The following RAB37 variants were observed in gnomAD, a reference collection of about 807,000 sequenced individuals.
RAB37 encodes RAB37, member RAS oncogene family.
Under a neutral mutation model 33.1 loss-of-function variants are expected in RAB37, and 29 were observed. The ratio of observed to expected loss-of-function variants is 0.88; its 90% CI spans 0.65 to 1.20. The LOEUF (loss-of-function observed/expected upper bound fraction) is 1.20. RAB37 is among the 50% of genes most tolerant of loss of function. The pLI, the probability that RAB37 is intolerant of heterozygous loss-of-function variation, is 0.00. For missense variants in RAB37, 299 were observed against 301.1 expected, an observed-to-expected ratio of 0.99 and a Z score of 0.05; for synonymous variants, 128 against 119.5, an observed-to-expected ratio of 1.07 and a Z score of -0.47.
In RAB37 at chr17:74,678,652, G is replaced by A. The variant is rs905473991; in HGVS notation, c.72+6994G>A. 6.6e-5 allele frequency among the ~76,000 whole-genome samples: 10 copies of A among 151,280 alleles called. 1 individual carries two copies. The highest frequency in any genetic ancestry group is 2.6e-4 in the Admixed American group (4 of 15,186). On this transcript the variant is annotated intron_variant, in intron 1 of 7. Transcript: ENST00000340415. The stretch of plus-strand genomic sequence containing the variant: ...ATTTTCTCTTACTTGCTAGCCTTCT[G>A]CCCCTGGCCACCACACACACAGACA...
intron 1 of RAB37, chr17:74,698,219 C>A (rs1342840897): frequency 3.1e-6 from 2 of 647,464 alleles, no homozygotes; most frequent in Non-Finnish European, 5.3e-6. Flanking sequence ...GGGCGCCCCC[C>A]GGTCCCCTGG....
chr17:74,705,120 G>T, intron 1 of RAB37: 2 of 677,536 alleles, frequency 3.0e-6, no homozygotes, highest in Non-Finnish European at 5.5e-6. Flanking sequence ...TATATTTCAA[G>T]GAATGTCCTT....
At chr17:74,737,770 T>C (rs1205629235) in intron 1 of RAB37, among the ~76,000 whole-genome samples, 1 of 152,108 alleles carries the variant, frequency 6.6e-6, no homozygotes, top group South Asian at 2.1e-4. Context: ...CTGGCGTTAA[T>C]GCCATTTTCC....
At chr17:74,683,133 T>A (rs1276802948) in intron 1 of RAB37, among the ~76,000 whole-genome samples, 1 of 152,210 alleles carries the variant, frequency 6.6e-6, no homozygotes, top group African/African-American at 2.4e-5. Flanking sequence ...TAAGACTAAA[T>A]AACTGGATTT....
intron 1 of RAB37, among the ~76,000 whole-genome samples, chr17:74,679,703 G>A (rs914051739): frequency 6.6e-6 from 1 of 152,114 alleles, no homozygotes; most frequent in Non-Finnish European, 1.5e-5. Context: ...CAGATGGCTG[G>A]GCATGGTGCT....
chr17:74,671,354 C>T lies in RAB37; in HGVS notation c.-233C>T. 1.8e-6 allele frequency: 1 copy of T among 543,250 alleles called. No homozygotes were observed. Among genetic ancestry groups the T allele is most frequent in the Non-Finnish European group, 3.3e-6 (1 of 302,958 alleles). The allele number at this position is 543,250 out of a possible 1,614,324, so 33.7% of individuals were successfully genotyped here. A position where few individuals can be genotyped will look rare whatever the true frequency, so the allele number is the denominator to read the frequency against. On this transcript the variant is annotated 5_prime_UTR_variant, in exon 1 of 8. Coordinates refer to the RAB37 transcript ENST00000340415. The surrounding 1 kb of genome is among the most constrained non-coding windows in gnomAD (Gnocchi z 5.0). ...AACTCTGGTCCCGGGCGCACAACGG[C>T]GGAGTCGCTGTTCCTGGTGCTGAAA...
chr17:74,740,109 T>G (rs1265998731), intron 1 of RAB37, among the ~76,000 whole-genome samples: 1 of 148,796 alleles, frequency 6.7e-6, no homozygotes, highest in East Asian at 2.0e-4. Flanking sequence ...TGAGCCAAGA[T>G]CTCGCCATTG....
chr17:74,700,778 G>A (rs2032976071), intron 1 of RAB37, among the ~76,000 whole-genome samples: 1 of 152,022 alleles, frequency 6.6e-6, no homozygotes, highest in African/African-American at 2.4e-5. Context: ...AAAAAAAACT[G>A]TTGTGGGCTG....
intron 2 of RAB37, 104 bp downstream of exon 2, chr17:74,740,982 G>T (rs564707574): frequency 9.5e-6 from 8 of 845,968 alleles, no homozygotes; most frequent in Non-Finnish European, 1.4e-5. Flanking sequence ...AGGGACTCCC[G>T]AGGCTCATGC....
chr17:74,690,873 A>C (rs775774426), intron 1 of RAB37, among the ~76,000 whole-genome samples: 1 of 152,180 alleles, frequency 6.6e-6, no homozygotes, highest in Non-Finnish European at 1.5e-5. Context: ...GAGGGCTAGA[A>C]TTTTAGATAA....
intron 1 of RAB37, among the ~76,000 whole-genome samples, chr17:74,728,882 G>A (rs1262835711): frequency 6.6e-6 from 1 of 151,546 alleles, no homozygotes; most frequent in Non-Finnish European, 1.5e-5. Context: ...CTGTGTGTAT[G>A]TGTGTACATG....
In RAB37 at chr17:74,671,344, C is replaced by A. The variant is rs1018594125; in HGVS notation, c.-243C>A. 13 of 534,344 alleles carry A rather than the reference C, an allele frequency of 2.4e-5. No individual in the cohort carries two copies. The Admixed American group carries it at 2.4e-4, about 10-fold the overall frequency. 33.1% of individuals were successfully genotyped at this position (534,344 alleles called of 1,614,324 possible). ...AGGATCTCAGAACTCTGGTCCCGGGCGCACAACGGCGGAGTCGCTGTTCCT... is the reference window on the plus strand; with the variant it reads ...AGGATCTCAGAACTCTGGTCCCGGGAGCACAACGGCGGAGTCGCTGTTCCT... On this transcript the variant is annotated 5_prime_UTR_variant, in exon 1 of 8. Transcript: ENST00000340415. The surrounding 1 kb of genome is among the most constrained non-coding windows in gnomAD (Gnocchi z 5.0).
chr17:74,695,548 G>C (rs748869583), intron 1 of RAB37, among the ~76,000 whole-genome samples: 1 of 152,184 alleles, frequency 6.6e-6, no homozygotes, highest in Non-Finnish European at 1.5e-5. Flanking sequence ...TGTGTCCCCA[G>C]GACTGAGACT....
chr17:74,703,823 A>T (rs1461430951), intron 1 of RAB37, among the ~76,000 whole-genome samples: 1 of 152,174 alleles, frequency 6.6e-6, no homozygotes, highest in Non-Finnish European at 1.5e-5. Context: ...AAATAAACCC[A>T]TGCAAACCGA....
chr17:74,694,193 T>A (rs976026392), intron 1 of RAB37: 2 of 152,158 alleles, frequency 1.3e-5, no homozygotes, highest in African/African-American at 2.4e-5. Flanking sequence ...GTAATAGAAG[T>A]GCCTCATGGT....
upstream of RAB37, chr17:74,736,960 G>T (rs749641116): frequency 1.9e-6 from 3 of 1,539,124 alleles, no homozygotes; most frequent in Non-Finnish European, 1.7e-6. Context: ...CCCGCGGCCC[G>T]CTCCCCCAGG....
intron 1 of RAB37, among the ~76,000 whole-genome samples, chr17:74,689,722 G>C (rs1463168553): frequency 6.6e-6 from 1 of 152,174 alleles, no homozygotes. Context: ...GATTCCAGCA[G>C]TCTCCCCTTT....
At chr17:74,723,732 T>C (rs1442221136) in intron 1 of RAB37, among the ~76,000 whole-genome samples, 1 of 151,912 alleles carries the variant, frequency 6.6e-6, no homozygotes, top group East Asian at 1.9e-4. Flanking sequence ...GCGCGCATTT[T>C]TGCCTGGCTA....
intron 1 of RAB37, among the ~76,000 whole-genome samples, chr17:74,728,792 G>A (rs1012915786): frequency 1.3e-5 from 2 of 151,968 alleles, no homozygotes; most frequent in Non-Finnish European, 2.9e-5. Context: ...TGTCATGTGT[G>A]TTCTGTGCAT....
Sources: gnomAD v4.1 joint callset for allele counts (sites outside exome capture counted in the v4.1 genomes callset) on GRCh38, gnomAD v4.1.1 for gene constraint, Gnocchi (gnomAD v3.1) non-coding constraint, MANE v1.5 for transcripts, NCBI Gene and HGNC (gene_info 2026-07-23, HGNC 2026-07-21) for gene names.